Variants in FAM13A observed in about 807,000 individuals in gnomAD.
The protein encoded by FAM13A is protein FAM13A.
Under a neutral mutation model 129.6 loss-of-function variants are expected in FAM13A, and 76 were observed. The ratio of observed to expected loss-of-function variants is 0.59; its 90% CI spans 0.49 to 0.71. The LOEUF is 0.71. Among genes scored for constraint, FAM13A ranks in the 30% least tolerant of loss-of-function variants. The probability of loss-of-function intolerance (pLI) is 0.00; values close to 1 mark genes in which losing one functional copy is unlikely to be tolerated. For synonymous variants in FAM13A, 443 were observed against 449.9 expected, an observed-to-expected ratio of 0.98 and a Z score of 0.20; for missense variants, 1,108 against 1,249.3, an observed-to-expected ratio of 0.89 and a Z score of 1.70.
intron 7 of FAM13A, among the ~76,000 whole-genome samples, chr4:88,836,909 G>A (rs1449216833): frequency 1.3e-5 from 2 of 151,802 alleles, no homozygotes; most frequent in Non-Finnish European, 2.9e-5. Context: ...GCAGAGGGCC[G>A]AGATTGTGCC....
At chr4:88,790,447 A>T in intron 9 of FAM13A, 139 bp downstream of exon 9, 1 of 698,804 alleles carries the variant, frequency 1.4e-6, no homozygotes, top group Non-Finnish European at 2.4e-6. Flanking sequence ...CATATAGTTT[A>T]AAAGTCACTG....
intron 5 of FAM13A, among the ~76,000 whole-genome samples, chr4:88,926,939 G>A (rs1205173217): frequency 6.6e-6 from 1 of 150,992 alleles, no homozygotes; most frequent in Non-Finnish European, 1.5e-5. Context: ...TTACACAGTG[G>A]TGAAGTCTGG....
chr4:88,755,695 C>G (rs560004596), intron 14 of FAM13A, among the ~76,000 whole-genome samples: 44 of 125,982 alleles, frequency 3.5e-4, no homozygotes, highest in African/African-American at 1.1e-3. Flanking sequence ...AGTGGAATAT[C>G]TTTTAAGATC....
intron 9 of FAM13A, 47 bp downstream of exon 9, chr4:88,790,539 T>TAAAA: frequency 3.3e-6 from 4 of 1,230,072 alleles, no homozygotes; most frequent in Non-Finnish European, 4.5e-6. Flanking sequence ...GACAGGGCAT[T>TAAAA]AAAAAAAAAA....
intron 9 of FAM13A, among the ~76,000 whole-genome samples, chr4:88,790,016 T>C (rs1443457798): frequency 6.6e-6 from 1 of 152,126 alleles, no homozygotes; most frequent in Admixed American, 6.6e-5. Context: ...GGAAAAGGCA[T>C]GTGATGACAT....
intron 7 of FAM13A, among the ~76,000 whole-genome samples, chr4:88,849,657 T>A (rs904525074): frequency 6.6e-6 from 1 of 152,168 alleles, no homozygotes; most frequent in Non-Finnish European, 1.5e-5. Context: ...TTTTCTATCA[T>A]CTCTCTCTAT....
At chr4:88,875,009 T>C (rs1742135738) in intron 6 of FAM13A, among the ~76,000 whole-genome samples, 1 of 152,196 alleles carries the variant, frequency 6.6e-6, no homozygotes, top group Admixed American at 6.5e-5. Flanking sequence ...CATATGATCT[T>C]TGACAAACCT....
chr4:88,861,325 G>C lies in FAM13A; in HGVS notation c.844-10142C>G, dbSNP rs1739449953. Among the ~76,000 whole-genome samples, 4 of 146,660 alleles carry C rather than the reference G, an allele frequency of 2.7e-5. No homozygotes were observed. In the South Asian group the frequency reaches 8.7e-4, roughly 32 times the overall value. On this transcript the variant is annotated intron_variant, in intron 6 of 23. Transcript: ENST00000264344. ...GAATCCGGGAGGCAAAGGTTGCAAT[G>C]AGCCAAGATCATGCCACTGCACTCC...
In FAM13A at chr4:89,029,495, A is replaced by G. The variant is rs763214972; in HGVS notation, c.182T>C (p.Val61Ala). 2.5e-6 allele frequency: 4 copies of G among 1,596,980 alleles called. No individual in the cohort carries two copies. Among genetic ancestry groups the G allele is most frequent in the Non-Finnish European group, 3.4e-6 (4 of 1,175,452 alleles). The change falls in exon 2 of 24, where the codon GTA becomes GCA. Residue 61 changes from valine (V) to alanine (A), a missense_variant. This residue lies in a region of FAM13A where 566 missense variants were observed against 595.7 expected (regional missense o/e 0.95). Transcript: ENST00000264344. ...CAAATATTCCACTATATTCCACACT[A>G]CTGCTGGAATGCCATTCTCGGTGAG... ...QGLTENGIPA[V>A]VWNIVEYLTQ...
At chr4:88,823,327 T>C in intron 7 of FAM13A, 1 of 1,119,708 alleles carries the variant, frequency 8.9e-7, no homozygotes. Flanking sequence ...GCGCTCCTCC[T>C]CCTCCCCCGC....
At chr4:88,992,118 C>T (rs1018398641) in intron 3 of FAM13A, among the ~76,000 whole-genome samples, 2 of 152,136 alleles carry the variant, frequency 1.3e-5, no homozygotes, top group African/African-American at 4.8e-5. Context: ...CATGTAATTC[C>T]CACTTTCCCT....
chr4:88,887,697 A>AT (rs1017561131), intron 6 of FAM13A, among the ~76,000 whole-genome samples: 1 of 151,578 alleles, frequency 6.6e-6, no homozygotes, highest in Non-Finnish European at 1.5e-5. Flanking sequence ...TGCCCAGCTA[A>AT]TTTTTTTGTA....
intron 18 of FAM13A, 27 bp downstream of exon 18, chr4:88,747,604 G>A: frequency 6.3e-6 from 10 of 1,584,958 alleles, no homozygotes; most frequent in Non-Finnish European, 8.7e-6. Flanking sequence ...ATGGCTTAGG[G>A]CTTAGCACTT....
intron 9 of FAM13A, among the ~76,000 whole-genome samples, 188 bp downstream of exon 9, chr4:88,790,398 T>C (rs1724879960): frequency 6.6e-6 from 1 of 152,088 alleles, no homozygotes; most frequent in African/African-American, 2.4e-5. Context: ...AATACACATA[T>C]AGAAGCTCAA....
At chr4:88,771,151 A>ATTT (rs10674716) in intron 11 of FAM13A, among the ~76,000 whole-genome samples, 11,268 of 143,456 alleles carry the variant, frequency 0.079, 571 homozygotes, top group African/African-American at 0.11. Context: ...CCCGGAAAGC[A>ATTT]TTTTTTTTTT....
At chr4:88,732,338 A>C in intron 21 of FAM13A, 140 bp from the exon 22 acceptor site, 1 of 540,730 alleles carries the variant, frequency 1.8e-6, no homozygotes, top group Non-Finnish European at 3.2e-6. Flanking sequence ...ACATATGTAC[A>C]TTACAGATAT....
intron 3 of FAM13A, among the ~76,000 whole-genome samples, chr4:89,006,417 T>C (rs188483294): frequency 1.4e-4 from 22 of 152,320 alleles, no homozygotes; most frequent in African/African-American, 5.1e-4. Flanking sequence ...ACTACTGCTA[T>C]TGAGAGGGAA....
intron 8 of FAM13A, among the ~76,000 whole-genome samples, chr4:88,803,553 G>GC (rs138686944): frequency 9.0e-6 from 1 of 111,438 alleles, no homozygotes; most frequent in African/African-American, 3.4e-5. Context: ...ATAAACATTT[G>GC]TTATTACTGT....
At chr4:89,029,329 C>T in intron 2 of FAM13A, 131 bp downstream of exon 2, 1 of 745,372 alleles carries the variant, frequency 1.3e-6, no homozygotes, top group South Asian at 1.7e-5. Context: ...GTATATTACA[C>T]AATAACTTAA....
Sources: allele counts gnomAD v4.1 joint callset (sites outside exome capture counted in the v4.1 genomes callset), GRCh38; gene constraint gnomAD v4.1.1; regional missense constraint gnomAD v4.1.1; transcripts MANE v1.5; gene names NCBI Gene and HGNC (gene_info 2026-07-23, HGNC 2026-07-21).